CIDEA: variants seen among roughly 807,000 people sequenced by gnomAD.
CIDEA encodes cell death inducing DFFA like effector a.
A neutral mutation model predicts 18.2 loss-of-function variants in CIDEA; 10 were observed. The observed-to-expected ratio is 0.55, with a 90% CI of 0.34 to 0.93. The LOEUF (loss-of-function observed/expected upper bound fraction) is 0.93. CIDEA is among the 40% of genes least tolerant of loss of function. CIDEA has a pLI of 0.02. For synonymous variants in CIDEA, 128 were observed against 124.8 expected (o/e 1.03, Z -0.17); for missense variants, 309 against 293.1 (o/e 1.05, Z -0.40).
At chr18:12,265,766 C>T (rs1418293794) in intron 3 of CIDEA, among the ~76,000 whole-genome samples, 1 of 152,136 alleles carries the variant, frequency 6.6e-6, no homozygotes, top group African/African-American at 2.4e-5. Context: ...AGTTTTCATT[C>T]GTAACGTTCT....
intron 1 of CIDEA, among the ~76,000 whole-genome samples, chr18:12,259,583 TG>T (rs1369042400): frequency 6.6e-6 from 1 of 152,232 alleles, no homozygotes; most frequent in Non-Finnish European, 1.5e-5. Context: ...ATTGAATTAA[TG>T]GGCATGGTGG....
In CIDEA at chr18:12,264,345, T is replaced by A. The variant is rs1288241573; in HGVS notation, c.222T>A (p.Thr74=). Residue 74 remains threonine, a synonymous_variant, in exon 3 of 5, where the codon ACT becomes ACA. Transcript: ENST00000320477. The part of the protein sequence containing the change: ...DALVIATGLV[T]LVLEEDGTVV... ...TCGTCATCGCTACCGGACTGGTCAC[T>A]CTGGTGCTGGAGGAAGATGGCACCG... is the stretch of plus-strand genomic sequence containing the variant. 2.5e-6 allele frequency: 4 copies of A among 1,613,962 alleles called. No individual in the cohort carries two copies. In the African/African-American group the frequency reaches 5.3e-5, roughly 22 times the overall value.
At chr18:12,270,894 C>CTTTTCT (rs1912501402) in intron 3 of CIDEA, among the ~76,000 whole-genome samples, 1 of 60,000 alleles carries the variant, frequency 1.7e-5, no homozygotes, top group African/African-American at 6.8e-5. Context: ...TTTTTCTTTT[C>CTTTTCT]TTTTTTTTTT....
At chr18:12,270,042 G>C (rs1912469120) in intron 3 of CIDEA, among the ~76,000 whole-genome samples, 1 of 152,148 alleles carries the variant, frequency 6.6e-6, no homozygotes, top group Admixed American at 6.5e-5. Context: ...AGGATTCCTG[G>C]ATGTCTCCAG....
chr18:12,254,871 C>T (rs757990835), intron 1 of CIDEA: 2 of 1,324,500 alleles, frequency 1.5e-6, no homozygotes, highest in Admixed American at 4.3e-5. Flanking sequence ...GAGCTGGGCG[C>T]GGGAGGGGCC....
chr18:12,274,422 T>G, intron 4 of CIDEA, 148 bp downstream of exon 4: 1 of 649,042 alleles, frequency 1.5e-6, no homozygotes, highest in Non-Finnish European at 2.6e-6. Flanking sequence ...GGTCAACTCT[T>G]ATCCCACAGG....
chr18:12,272,177 T>TGGGGGGGGGGGGGGGGGGGG (rs1568105957), intron 3 of CIDEA, among the ~76,000 whole-genome samples: 1 of 6,078 alleles, frequency 1.6e-4, no homozygotes, highest in Admixed American at 2.5e-3. Flanking sequence ...GGGGGGTTGT[T>TGGGGGGGGGGGGGGGGGGGG]GTTGTTGTTG....
chr18:12,254,372 G>C lies in CIDEA; in HGVS notation c.-12G>C. 1 of 1,529,132 alleles carries C rather than the reference G, an allele frequency of 6.5e-7. No individual in the cohort carries two copies. Among genetic ancestry groups the C allele is most frequent in the African/African-American group, 1.4e-5 (1 of 72,548 alleles). 94.7% of individuals were successfully genotyped at this position (1,529,132 alleles called of 1,614,324 possible). A position where few individuals can be genotyped will look rare whatever the true frequency, so the allele number is the denominator to read the frequency against. On this transcript the variant is annotated 5_prime_UTR_variant, in exon 1 of 5. Coordinates refer to ENST00000320477, the MANE Select transcript of CIDEA (RefSeq NM_001279.4). ...GCAGACAGACCTCCAGGCCCGCTAG[G>C]GGATCCGCGCCATGGAGGCCGCCCG...
At chr18:12,265,965 T>G (rs1471753366) in intron 3 of CIDEA, among the ~76,000 whole-genome samples, 2 of 152,002 alleles carry the variant, frequency 1.3e-5, no homozygotes, top group African/African-American at 4.8e-5. Context: ...ATAAATAAAT[T>G]AATTAAATGC....
Position 12,264,472 on chromosome 18 carries a change from A to G in CIDEA, c.330+19A>G. On this transcript the variant is annotated intron_variant, in intron 3 of 4. Transcript: ENST00000320477. ...GATGCCGGTAAGCAAAAACACTGTC[A>G]CCCAAACAGCTACTGGGTAGACTTT... is the stretch of plus-strand genomic sequence containing the variant. 2 of 1,607,492 alleles carry G rather than the reference A, an allele frequency of 1.2e-6. No homozygotes were observed. Among genetic ancestry groups the G allele is most frequent in the Non-Finnish European group, 1.7e-6 (2 of 1,176,266 alleles).
chr18:12,262,890 G>A lies in CIDEA; in HGVS notation c.104G>A (p.Arg35His), dbSNP rs765367947. Residue 35 changes from arginine to histidine, a missense_variant, in exon 2 of 5, where the codon CGC becomes CAC. Transcript: ENST00000320477. ...VLFTPLMHPARPFRVSNHDRS... is the reference protein window; with the variant it reads ...VLFTPLMHPAHPFRVSNHDRS... ...TTCACCCCGCTCATGCATCCAGCTC[G>A]CCCTTTCCGGGTCTCCAACCATGAC... 8.7e-5 allele frequency: 140 copies of A among 1,613,984 alleles called. No homozygotes were observed. The highest frequency in any genetic ancestry group is 1.1e-4 in the Non-Finnish European group (131 of 1,180,018).
intron 3 of CIDEA, among the ~76,000 whole-genome samples, chr18:12,272,369 T>G (rs1024375081): frequency 2.6e-5 from 4 of 152,132 alleles, no homozygotes; most frequent in Non-Finnish European, 5.9e-5. Context: ...TGCACCACCA[T>G]GCCTGGCTAA....
intron 3 of CIDEA, among the ~76,000 whole-genome samples, chr18:12,271,030 C>G (rs1052949398): frequency 1.3e-5 from 2 of 150,610 alleles, no homozygotes; most frequent in Admixed American, 6.7e-5. Context: ...TCCCGAGTAG[C>G]TGGGATTACA....
At chr18:12,263,498 C>T (rs1912256329) in intron 2 of CIDEA, 1 of 152,594 alleles carries the variant, frequency 6.6e-6, no homozygotes, top group Admixed American at 6.5e-5. Flanking sequence ...TATAAATGAT[C>T]AAGGGGAACA....
intron 3 of CIDEA, among the ~76,000 whole-genome samples, chr18:12,270,894 C>CCTTTT (rs1555662488): frequency 1.7e-4 from 10 of 60,016 alleles, no homozygotes; most frequent in African/African-American, 6.8e-4. Context: ...TTTTTCTTTT[C>CCTTTT]TTTTTTTTTT....
chr18:12,254,745 T>G (rs770055880), intron 1 of CIDEA: 1 of 1,432,092 alleles, frequency 7.0e-7, no homozygotes, highest in Admixed American at 2.1e-5. Context: ...GCTGCATGCA[T>G]CTCTGGCCGC....
chr18:12,262,874 C>T lies in CIDEA; in HGVS notation c.88C>T (p.Leu30Phe). 3 of 1,614,250 alleles carry T rather than the reference C, an allele frequency of 1.9e-6. No individual in the cohort carries two copies. The highest frequency in any genetic ancestry group is 2.5e-6 in the Non-Finnish European group (3 of 1,180,050). Residue 30 changes from leucine to phenylalanine, a missense_variant, in exon 2 of 5, where the codon CTC becomes TTC. By Grantham distance (22) the Leu-to-Phe change is conservative (BLOSUM62 0). Transcript: ENST00000320477. Reference protein sequence around the residue: ...SQTKRVLFTPLMHPARPFRVS... With the variant: ...SQTKRVLFTPFMHPARPFRVS... ...GACTAAGCGAGTCCTGTTCACCCCG[C>T]TCATGCATCCAGCTCGCCCTTTCCG...
chr18:12,264,716 G>A (rs560107087), intron 3 of CIDEA, among the ~76,000 whole-genome samples: 1 of 152,210 alleles, frequency 6.6e-6, no homozygotes, highest in Admixed American at 6.5e-5. Flanking sequence ...ACCACGCCTG[G>A]CTAACTTTTT....
At chr18:12,267,214 G>A (rs781459689) in intron 3 of CIDEA, among the ~76,000 whole-genome samples, 1 of 152,220 alleles carries the variant, frequency 6.6e-6, no homozygotes, top group Non-Finnish European at 1.5e-5. Context: ...ACAACACCAC[G>A]TCAGCAGGTG....
Sources: gnomAD v4.1 joint callset for allele counts (sites outside exome capture counted in the v4.1 genomes callset) on GRCh38, gnomAD v4.1.1 for gene constraint, MANE v1.5 for transcripts, NCBI Gene and HGNC (gene_info 2026-07-23, HGNC 2026-07-21) for gene names.